DNAAF1: variants seen among roughly 807,000 people sequenced by gnomAD.
The protein encoded by DNAAF1 is dynein assembly factor 1, axonemal.
In DNAAF1, 65 loss-of-function variants were observed where a neutral mutation model predicts 71.1. The ratio of observed to expected loss-of-function variants is 0.91; its 90% CI spans 0.75 to 1.12. The LOEUF (loss-of-function observed/expected upper bound fraction) is 1.12, where lower values mean the gene tolerates loss of function less well. Ranked by LOEUF, DNAAF1 falls within the 50% of genes most tolerant of loss-of-function variation. The pLI is 0.00. For synonymous variants in DNAAF1, 414 were observed against 354.6 expected (o/e 1.17, Z -1.88); for missense variants, 1,178 against 899.8 (o/e 1.31, Z -3.96).
intron 3 of DNAAF1, among the ~76,000 whole-genome samples, chr16:84,154,342 G>A (rs1476900754): frequency 6.6e-6 from 1 of 152,038 alleles, no homozygotes; most frequent in African/African-American, 2.4e-5. Context: ...GAAGCTCTCT[G>A]GGGCCTCATT....
At chr16:84,175,661 G>A (rs2088613241) in intron 10 of DNAAF1, 1 of 491,166 alleles carries the variant, frequency 2.0e-6, no homozygotes, top group Non-Finnish European at 3.7e-6. Flanking sequence ...CCAGGGCTCA[G>A]GGGTGCGCCC....
intron 3 of DNAAF1, among the ~76,000 whole-genome samples, chr16:84,151,558 G>T (rs1257942473): frequency 6.6e-6 from 1 of 152,216 alleles, no homozygotes; most frequent in Non-Finnish European, 1.5e-5. Context: ...CAGTCAGAGA[G>T]GTAGAAGAGC....
At chr16:84,172,202 C>A in intron 8 of DNAAF1, 58 bp from the exon 9 acceptor site, 1 of 1,530,912 alleles carries the variant, frequency 6.5e-7, no homozygotes, top group Non-Finnish European at 9.0e-7. Context: ...TCACCGTAGG[C>A]TCGTCCATCT....
At chr16:84,159,925 G>C in intron 6 of DNAAF1, 129 bp downstream of exon 6, 2 of 1,057,084 alleles carry the variant, frequency 1.9e-6, no homozygotes, top group East Asian at 5.4e-5. Context: ...AAATAGGCTT[G>C]ATGGCTACAT....
At position 84,172,389 on chromosome 16, in the gene DNAAF1, T is replaced by C. The variant is rs185394395; in HGVS notation, c.1644+14T>C. The C allele has an allele frequency of 2.9e-4, 466 of 1,613,538 alleles. 1 individual carries two copies. In the African/African-American group the frequency reaches 5.5e-3, roughly 19 times the overall value. On this transcript the variant is annotated intron_variant, in intron 9 of 11. Transcript: ENST00000378553. ...TTCTGCATTGATGTACATGAAGTAT[T>C]TAATCTTGGAGATAAGTATCAGTTT...
rs2087121121 is a variant in DNAAF1 at position 84,150,235 on chromosome 16, T to G, written c.261-16T>G. 6.3e-7 allele frequency: 1 copy of G among 1,590,180 alleles called. No homozygotes were observed. Among genetic ancestry groups the G allele is most frequent in the African/African-American group, 1.3e-5 (1 of 74,360 alleles). The stretch of plus-strand genomic sequence containing the variant: ...CAATTTGCAATAAGCTTATTCATAT[T>G]TTTCCATTTTAACAGAATGACTAAA... On this transcript the variant is annotated splice_polypyrimidine_tract_variant and intron_variant, in intron 2 of 11. Coordinates refer to ENST00000378553, the MANE Select transcript of DNAAF1 (RefSeq NM_178452.6).
intron 1 of DNAAF1, among the ~76,000 whole-genome samples, chr16:84,148,532 C>A (rs1290845674): frequency 6.9e-6 from 1 of 143,910 alleles, no homozygotes; most frequent in African/African-American, 2.5e-5. Flanking sequence ...GTGAAATTTA[C>A]ATAGTCTTTG....
At chr16:84,167,776 G>A (rs2151258485) in intron 7 of DNAAF1, among the ~76,000 whole-genome samples, 1 of 152,310 alleles carries the variant, frequency 6.6e-6, no homozygotes, top group South Asian at 2.1e-4. Flanking sequence ...AGCACTTTGG[G>A]AGGCTGAGGC....
chr16:84,145,595 G>C, intron 1 of DNAAF1, 31 bp downstream of exon 1: 1 of 1,541,096 alleles, frequency 6.5e-7, no homozygotes, highest in Non-Finnish European at 8.7e-7. Context: ...AGGGCGGTGG[G>C]CGAGGGGCAG....
chr16:84,175,399 T>C (rs2088599019), intron 10 of DNAAF1: 1 of 185,702 alleles, frequency 5.4e-6, no homozygotes, highest in Admixed American at 5.4e-5. Flanking sequence ...GGTGAGTCTG[T>C]GAGGCACAAT....
chr16:84,153,883 C>A (rs1296373972), intron 3 of DNAAF1, among the ~76,000 whole-genome samples: 6 of 152,134 alleles, frequency 3.9e-5, no homozygotes, highest in African/African-American at 1.4e-4. Flanking sequence ...CACTCCCCAC[C>A]ATGAAGGCAG....
intron 8 of DNAAF1, among the ~76,000 whole-genome samples, chr16:84,171,267 C>G (rs970571655): frequency 4.6e-5 from 7 of 152,198 alleles, no homozygotes; most frequent in African/African-American, 1.7e-4. Flanking sequence ...GAGAAGCCCC[C>G]TTCCCCGCAA....
chr16:84,176,174 T>A lies in DNAAF1; in HGVS notation c.1940T>A (p.Ile647Asn). The A allele has an allele frequency of 6.2e-7, 1 of 1,614,010 alleles. No homozygotes were observed. The highest frequency in any genetic ancestry group is 8.5e-7 in the Non-Finnish European group (1 of 1,180,018). The part of the protein sequence containing the change: ...KQDTKSPRPL[I>N]QELSDEDPSG... The stretch of plus-strand genomic sequence containing the variant: ...GACACCAAGTCCCCAAGACCCCTGA[T>A]CCAGGAGCTCAGCGACGAGGACCCC... The change falls in exon 11 of 12, where the codon ATC becomes AAC. Residue 647 changes from isoleucine (I) to asparagine (N), a missense_variant. Physicochemically the swap from Ile to Asn is moderately radical, Grantham distance 149. Coordinates refer to ENST00000378553, the MANE Select transcript of DNAAF1 (RefSeq NM_178452.6).
intron 5 of DNAAF1, among the ~76,000 whole-genome samples, chr16:84,156,704 T>A (rs1387319125): frequency 6.6e-6 from 1 of 152,228 alleles, no homozygotes; most frequent in Admixed American, 6.5e-5. Flanking sequence ...TTAGCTAGAA[T>A]GCTTCTACAC....
chr16:84,164,526 C>A (rs1016321610), intron 6 of DNAAF1, among the ~76,000 whole-genome samples: 5 of 152,180 alleles, frequency 3.3e-5, no homozygotes, highest in African/African-American at 1.2e-4. Context: ...AGCATATAGC[C>A]TTTATGGACT....
intron 4 of DNAAF1, among the ~76,000 whole-genome samples, chr16:84,155,119 A>G (rs546024382): frequency 1.3e-5 from 2 of 152,192 alleles, no homozygotes; most frequent in Admixed American, 6.5e-5. Context: ...CGTGTTAGCC[A>G]GGATGGTCTC....
chr16:84,163,483 C>G (rs2087816039), intron 6 of DNAAF1, among the ~76,000 whole-genome samples: 1 of 151,650 alleles, frequency 6.6e-6, no homozygotes, highest in Non-Finnish European at 1.5e-5. Flanking sequence ...CAGGTTCAAG[C>G]AATTCTCCTG....
rs2087060604 is a variant in DNAAF1, at chr16:84,149,077, T to C, written c.195T>C (p.Ser65=). 1 of 1,613,878 alleles carries C rather than the reference T, an allele frequency of 6.2e-7. No homozygotes were observed. The change falls in exon 2 of 12, where the codon AGT becomes AGC. Residue 65 remains serine (S), a synonymous_variant. Coordinates refer to ENST00000378553, the MANE Select transcript of DNAAF1 (RefSeq NM_178452.6). ...DTSYHSQQKQ[S]GDNGSGGHFA... is the part of the protein sequence containing the mutation. ...CCTACCACAGCCAGCAGAAACAGAG[T>C]GGTGATAATGGGTCAGGTGGTCACT...
At position 84,174,840 on chromosome 16, in the gene DNAAF1, AT is replaced by A. The variant is rs111554344; in HGVS notation, c.1698+120del. 0.5 allele frequency: 637,237 copies of A among 1,279,670 alleles called. 160,138 individuals are homozygous for A. The highest frequency in any genetic ancestry group is 0.57 in the Admixed American group (30,368 of 53,622). The allele number at this position is 1,279,670 out of a possible 1,614,324, so 79.3% of individuals were successfully genotyped here. A position where few individuals can be genotyped will look rare whatever the true frequency, so the allele number is the denominator to read the frequency against. ...ATGTTCCCTGTGCATAAAGCATTGA[AT>A]TCCCCCATATTCTTTTTCTTTTCTT... On this transcript the variant is annotated intron_variant, in intron 10 of 11. Transcript: ENST00000378553.
Sources: allele counts gnomAD v4.1 joint callset (sites outside exome capture counted in the v4.1 genomes callset), GRCh38; gene constraint gnomAD v4.1.1; transcripts MANE v1.5; gene names NCBI Gene and HGNC (gene_info 2026-07-23, HGNC 2026-07-21).